The following DYNC1I1 variants were observed in gnomAD, a reference collection of about 807,000 sequenced individuals.
DYNC1I1 encodes dynein cytoplasmic 1 intermediate chain 1.
In DYNC1I1, 43 loss-of-function variants were observed where a neutral mutation model predicts 86.6. That is an observed-to-expected ratio of 0.50 (90% CI 0.39 to 0.64). The LOEUF is 0.64. Ranked by LOEUF, DYNC1I1 falls within the 30% of genes least tolerant of loss-of-function variation. The pLI is 0.00. For missense variants in DYNC1I1, 604 were observed against 788.8 expected (o/e 0.77, Z 2.81); for synonymous variants, 262 against 283.7 (o/e 0.92, Z 0.77).
rs552771427 is a variant in DYNC1I1 at position 95,865,673 on chromosome 7, C to T, written c.375-4210C>T. 8.5e-5 allele frequency among the ~76,000 whole-genome samples: 13 copies of T among 152,264 alleles called. No individual in the cohort carries two copies. The South Asian group carries it at 1.9e-3, about 22-fold the overall frequency. On this transcript the variant is annotated intron_variant, in intron 5 of 16. Transcript: ENST00000447467. ...ATACTGTATACTTACTGTACCTTTT[C>T]TATTTTTAGATACACAAATACTCAA...
At chr7:95,802,179 C>T (rs1244772638) in intron 1 of DYNC1I1, among the ~76,000 whole-genome samples, 2 of 152,224 alleles carry the variant, frequency 1.3e-5, no homozygotes, top group East Asian at 3.9e-4. Context: ...CAAATTATGA[C>T]ATACATGCTG....
chr7:96,074,342 G>A (rs1490889791), intron 14 of DYNC1I1, among the ~76,000 whole-genome samples: 1 of 152,098 alleles, frequency 6.6e-6, no homozygotes, highest in Non-Finnish European at 1.5e-5. Flanking sequence ...GAGGTCAGGA[G>A]ATCGAGACCA....
At chr7:95,798,846 A>G (rs943311072) in intron 1 of DYNC1I1, among the ~76,000 whole-genome samples, 6 of 152,268 alleles carry the variant, frequency 3.9e-5, no homozygotes, top group East Asian at 3.9e-4. Flanking sequence ...AAACTATACC[A>G]TGATGATATG....
At position 96,097,677 on chromosome 7, in the gene DYNC1I1, C is replaced by T; in HGVS notation, c.*84C>T. The T allele has an allele frequency of 6.4e-7, 1 of 1,572,592 alleles. No individual in the cohort carries two copies. Among genetic ancestry groups the T allele is most frequent in the Non-Finnish European group, 8.6e-7 (1 of 1,157,352 alleles). ...CAGTCAAGTCTCTTGTATTCGGTGT[C>T]CATTCAGTATCAGTATTGCTGTGAT... is the stretch of plus-strand genomic sequence containing the variant. On this transcript the variant is annotated 3_prime_UTR_variant, in exon 17 of 17. Coordinates refer to ENST00000447467, the MANE Select transcript of DYNC1I1 (RefSeq NM_001135556.2).
chr7:95,825,199 T>C (rs1339316278), intron 4 of DYNC1I1, among the ~76,000 whole-genome samples: 2 of 152,220 alleles, frequency 1.3e-5, no homozygotes, highest in Non-Finnish European at 2.9e-5. Context: ...TACTAATCTG[T>C]GGACTTTTTA....
In DYNC1I1 at chr7:95,828,106, T is replaced by C; in HGVS notation, c.364T>C (p.Ser122Pro). 1.9e-6 allele frequency: 3 copies of C among 1,613,830 alleles called. No homozygotes were observed. Among genetic ancestry groups the C allele is most frequent in the Non-Finnish European group, 2.5e-6 (3 of 1,179,768 alleles). Residue 122 changes from serine (S) to proline (P), a missense_variant, in exon 5 of 17, where the codon TCA becomes CCA. By Grantham distance (74) the Ser-to-Pro change is moderately conservative. Transcript: ENST00000447467. ...DPSVLQLQSDSELGRRLHKLG... is the reference protein window; with the variant it reads ...DPSVLQLQSDPELGRRLHKLG... ...CTCAGTGCTCCAGCTGCAGTCAGAC[T>C]CAGAACTTGGGTATATGTCTGCTCT... is the stretch of plus-strand genomic sequence containing the variant.
At chr7:95,785,528 T>C (rs569285462) in intron 1 of DYNC1I1, among the ~76,000 whole-genome samples, 17 of 152,114 alleles carry the variant, frequency 1.1e-4, no homozygotes, top group Admixed American at 5.9e-4. Context: ...ATTCATTCAT[T>C]CACTCAGTAA....
chr7:95,931,403 C>G (rs1209836317), intron 6 of DYNC1I1, among the ~76,000 whole-genome samples: 4 of 152,190 alleles, frequency 2.6e-5, no homozygotes, highest in Non-Finnish European at 5.9e-5. Flanking sequence ...ACCCACTCGG[C>G]CTCTCAAAGT....
At chr7:96,039,866 T>C (rs1433647489) in intron 14 of DYNC1I1, among the ~76,000 whole-genome samples, 1 of 152,034 alleles carries the variant, frequency 6.6e-6, no homozygotes, top group Non-Finnish European at 1.5e-5. Flanking sequence ...GTTTGGTTCG[T>C]TGATTGGTTG....
At chr7:95,878,372 G>A (rs1011414097) in intron 6 of DYNC1I1, among the ~76,000 whole-genome samples, 2 of 152,026 alleles carry the variant, frequency 1.3e-5, no homozygotes, top group African/African-American at 4.8e-5. Context: ...TCAACACAGA[G>A]CTAGAAATTT....
chr7:95,994,975 T>C (rs1793822669), intron 9 of DYNC1I1, among the ~76,000 whole-genome samples: 1 of 152,018 alleles, frequency 6.6e-6, no homozygotes, highest in Admixed American at 6.6e-5. Context: ...GGGCCAGGCA[T>C]GGTGGCTCAC....
At chr7:95,883,918 T>C (rs1790523223) in intron 6 of DYNC1I1, among the ~76,000 whole-genome samples, 1 of 152,200 alleles carries the variant, frequency 6.6e-6, no homozygotes, top group South Asian at 2.1e-4. Flanking sequence ...ATATCAATGA[T>C]AGAAGTTTAT....
intron 6 of DYNC1I1, among the ~76,000 whole-genome samples, chr7:95,872,135 G>A (rs988908128): frequency 1.3e-5 from 2 of 152,238 alleles, no homozygotes; most frequent in Non-Finnish European, 2.9e-5. Context: ...GCTGCGTGGA[G>A]CAGTGGACAG....
intron 5 of DYNC1I1, among the ~76,000 whole-genome samples, chr7:95,846,669 C>CTGTGTGTGTG (rs1789441496): frequency 7.7e-6 from 1 of 129,370 alleles, no homozygotes; most frequent in Non-Finnish European, 1.6e-5. Context: ...GTGTGTGTGA[C>CTGTGTGTGTG]GAAGGGGGCC....
chr7:95,939,009 T>C (rs965717762), intron 6 of DYNC1I1, among the ~76,000 whole-genome samples: 4 of 152,288 alleles, frequency 2.6e-5, no homozygotes, highest in Admixed American at 2.6e-4. Flanking sequence ...TTTGTTCTCA[T>C]TGGTTTCAAA....
chr7:95,910,645 T>A (rs1318255250), intron 6 of DYNC1I1, among the ~76,000 whole-genome samples: 1 of 152,190 alleles, frequency 6.6e-6, no homozygotes, highest in African/African-American at 2.4e-5. Flanking sequence ...TTGGCTGCCT[T>A]GTCAAGGCAT....
chr7:95,967,085 C>T (rs1259166693), intron 6 of DYNC1I1, among the ~76,000 whole-genome samples: 3 of 152,022 alleles, frequency 2.0e-5, no homozygotes, highest in Admixed American at 6.6e-5. Context: ...TTACTAGACA[C>T]CCACATTGGG....
At chr7:95,980,536 C>CTTT (rs56835338) in intron 7 of DYNC1I1, among the ~76,000 whole-genome samples, 9 of 54,426 alleles carry the variant, frequency 1.7e-4, no homozygotes, top group East Asian at 7.2e-4. Context: ...AGAAATCTGG[C>CTTT]TTTTTTTTTT....
At chr7:95,924,430 G>A (rs762035793) in intron 6 of DYNC1I1, among the ~76,000 whole-genome samples, 1 of 152,090 alleles carries the variant, frequency 6.6e-6, no homozygotes, top group Admixed American at 6.6e-5. Context: ...GGTTATGTAC[G>A]GAAATTATGT....
Sources: allele counts gnomAD v4.1 joint callset (sites outside exome capture counted in the v4.1 genomes callset), GRCh38; gene constraint gnomAD v4.1.1; transcripts MANE v1.5; gene names NCBI Gene and HGNC (gene_info 2026-07-23, HGNC 2026-07-21).